Variants in A2ML1 observed in about 807,000 individuals in gnomAD.
The protein encoded by A2ML1 is alpha-2-macroglobulin-like protein 1.
In A2ML1, 161 loss-of-function variants were observed where a neutral mutation model predicts 181.9. That is an observed-to-expected ratio of 0.89 (90% CI 0.78 to 1.01). A2ML1 has a LOEUF of 1.01. Among genes scored for constraint, A2ML1 ranks in the 50% least tolerant of loss-of-function variants. A2ML1 has a pLI of 0.00. For missense variants in A2ML1, 1,670 were observed against 1,768.1 expected, an observed-to-expected ratio of 0.94 and a Z score of 1.00; for synonymous variants, 663 against 666.8, an observed-to-expected ratio of 0.99 and a Z score of 0.09.
chr12:8,886,736 C>A (rs1332294008), exon 8 of A2ML1: 1 of 152,192 alleles, frequency 6.6e-6, no homozygotes, highest in Non-Finnish European at 1.5e-5. Context: ...TCTTCCTCTT[C>A]TGAAGACATC....
At position 8,852,378 on chromosome 12, in the gene A2ML1, CAGA is replaced by C. The variant is rs775951610; in HGVS notation, c.2590+46_2590+48del. 1.2e-6 allele frequency: 2 copies of C among 1,611,130 alleles called. No homozygotes were observed. Among genetic ancestry groups the C allele is most frequent in the African/African-American group, 1.3e-5 (1 of 74,906 alleles). ...GTAGACGGGCGAGGAAAGCCAGCAGCAGAAGACCAGTGACTGAGCACTCAGTCT... is the reference window on the plus strand; with the variant it reads ...GTAGACGGGCGAGGAAAGCCAGCAGCAGACCAGTGACTGAGCACTCAGTCT... On this transcript the variant is annotated intron_variant, in intron 20 of 35. Transcript: ENST00000299698. This position sits in a 1 kb window ranked among gnomAD's most constrained non-coding sequence, Gnocchi z 4.2.
chr12:8,881,415 G>A (rs10771155), downstream of A2ML1, among the ~76,000 whole-genome samples: 57,009 of 151,782 alleles, frequency 0.38, 11,403 homozygotes, highest in Admixed American at 0.45. Context: ...GGAAGATAAT[G>A]ACCATTTTAG....
At position 8,837,479 on chromosome 12, in the gene A2ML1, A is replaced by G. The variant is rs1943321307; in HGVS notation, c.768A>G (p.Val256=). The G allele has an allele frequency of 6.2e-7, 1 of 1,614,126 alleles. No homozygotes were observed. Among genetic ancestry groups the G allele is most frequent in the Non-Finnish European group, 8.5e-7 (1 of 1,179,980 alleles). The change falls in exon 8 of 36, where the codon GTA becomes GTG. Residue 256 remains valine (V), a synonymous_variant. Coordinates refer to ENST00000299698, the MANE Select transcript of A2ML1 (RefSeq NM_144670.6). ...AGCCCATGCTAGGGGCAGTGCAGGT[A>G]TCTGTGTGTCAGAAGGCAAATACTT... ...YGKPMLGAVQ[V]SVCQKANTYW...
At chr12:8,823,681 A>G (rs774919348) in intron 2 of A2ML1, 39 bp from the exon 3 acceptor site, 6 of 1,596,048 alleles carry the variant, frequency 3.8e-6, no homozygotes, top group Non-Finnish European at 4.3e-6. Flanking sequence ...TGTTCCCCCA[A>G]TCCCTTACCC....
chr12:8,868,505 G>T, intron 31 of A2ML1, 32 bp from the exon 32 acceptor site: 1 of 1,608,882 alleles, frequency 6.2e-7, no homozygotes, highest in Non-Finnish European at 8.5e-7. Context: ...GAAGTAATAG[G>T]CTCACATGTG....
intron 6 of A2ML1, among the ~76,000 whole-genome samples, chr12:8,835,959 GCTGACATCACGCCACTGCA>G (rs2136764149): frequency 7.0e-6 from 1 of 143,798 alleles, no homozygotes; most frequent in Admixed American, 7.2e-5. Flanking sequence ...CTTGCAGTGA[GCTGACATCACGCCACTGCA>G]CTCCAGCCTG....
intron 28 of A2ML1, among the ~76,000 whole-genome samples, chr12:8,861,802 C>T (rs1451156174): frequency 6.7e-6 from 1 of 148,760 alleles, no homozygotes; most frequent in Non-Finnish European, 1.5e-5. Context: ...TCTTCTTGCC[C>T]AAGCTGGAGT....
chr12:8,828,275 T>C (rs1942995424), intron 3 of A2ML1, among the ~76,000 whole-genome samples: 1 of 152,192 alleles, frequency 6.6e-6, no homozygotes, highest in Admixed American at 6.5e-5. Context: ...GGAATCTACC[T>C]GGTGTTCTGT....
chr12:8,883,843 T>C (rs1012107711), intron 7 of A2ML1, among the ~76,000 whole-genome samples: 2 of 151,644 alleles, frequency 1.3e-5, no homozygotes, highest in Non-Finnish European at 2.9e-5. Context: ...TGGAGTGCAG[T>C]GGCACGATCT....
At chr12:8,838,529 T>C (rs1444829712) in intron 9 of A2ML1, 79 bp downstream of exon 9, 6 of 1,042,960 alleles carry the variant, frequency 5.8e-6, no homozygotes, top group Non-Finnish European at 8.6e-6. Context: ...ACTCCAAGTA[T>C]ACAAGACCTA....
chr12:8,835,582 C>G lies in A2ML1; in HGVS notation c.559C>G (p.Leu187Val), dbSNP rs370579753. 1 of 1,614,082 alleles carries G rather than the reference C, an allele frequency of 6.2e-7. No homozygotes were observed. Among genetic ancestry groups the G allele is most frequent in the Non-Finnish European group, 8.5e-7 (1 of 1,180,036 alleles). ...EQGIVDLSFQ[L>V]APEAMLGTYT... ...AGGCATTGTAGACCTGTCCTTCCAA[C>G]TGGCACCAGAGGCAATGCTGGGCAC... Residue 187 changes from leucine (L) to valine (V), a missense_variant, in exon 6 of 36, where the codon CTG becomes GTG. By Grantham distance (32) the Leu-to-Val change is conservative. Transcript: ENST00000299698.
chr12:8,865,609 G>A (rs758471231), intron 29 of A2ML1, among the ~76,000 whole-genome samples: 2 of 152,306 alleles, frequency 1.3e-5, no homozygotes, highest in South Asian at 2.1e-4. Flanking sequence ...CAGCCACTTG[G>A]TGTGTGAGAT....
intron 12 of A2ML1, among the ~76,000 whole-genome samples, chr12:8,844,426 A>G (rs1315179157): frequency 1.3e-5 from 2 of 152,106 alleles, no homozygotes; most frequent in African/African-American, 4.8e-5. Flanking sequence ...TCTGTGTTCC[A>G]TTGGTCAATA....
At chr12:8,834,371 A>G (rs1054946674) in intron 4 of A2ML1, among the ~76,000 whole-genome samples, 1 of 152,140 alleles carries the variant, frequency 6.6e-6, no homozygotes, top group Non-Finnish European at 1.5e-5. Context: ...GCTCAGTCAC[A>G]GGGTACTGAG....
chr12:8,885,356 C>T (rs1218890755), intron 7 of A2ML1, among the ~76,000 whole-genome samples: 1 of 152,028 alleles, frequency 6.6e-6, no homozygotes, highest in Non-Finnish European at 1.5e-5. Flanking sequence ...AGGCAGCTGT[C>T]TCTACAAAAT....
intron 1 of A2ML1, 116 bp downstream of exon 1, chr12:8,822,829 C>A (rs1942787440): frequency 1.1e-6 from 1 of 927,266 alleles, no homozygotes. Context: ...TTTCCTCCTC[C>A]TTTTTTCTCT....
In A2ML1 at chr12:8,850,288, C is replaced by CA; in HGVS notation, c.2234+18dup. 1 of 1,594,954 alleles carries CA rather than the reference C, an allele frequency of 6.3e-7. No individual in the cohort carries two copies. Among genetic ancestry groups the CA allele is most frequent in the South Asian group, 1.1e-5 (1 of 88,478 alleles). On this transcript the variant is annotated intron_variant, in intron 18 of 35. Coordinates refer to ENST00000299698, the MANE Select transcript of A2ML1 (RefSeq NM_144670.6). ...GTTTCCTATTGGGTAAGTGATGACT[C>CA]AAAAGTACAGTAAAGGGCCAGGTGC...
chr12:8,822,793 G>T, intron 1 of A2ML1, 80 bp downstream of exon 1: 1 of 1,354,186 alleles, frequency 7.4e-7, no homozygotes, highest in South Asian at 1.2e-5. Context: ...TATGGAGATG[G>T]GGAGATCAAC....
At chr12:8,845,332 C>A in intron 12 of A2ML1, 110 bp from the exon 13 acceptor site, 1 of 1,444,680 alleles carries the variant, frequency 6.9e-7, no homozygotes, top group Non-Finnish European at 9.6e-7. Context: ...GGACTCTGAA[C>A]TGTGAAAGGA....
Sources: allele counts gnomAD v4.1 joint callset (sites outside exome capture counted in the v4.1 genomes callset), GRCh38; gene constraint gnomAD v4.1.1; non-coding constraint Gnocchi (gnomAD v3.1); transcripts MANE v1.5; gene names NCBI Gene and HGNC (gene_info 2026-07-23, HGNC 2026-07-21).